MAP2: variants seen among roughly 807,000 people sequenced by gnomAD.
MAP2 encodes the protein microtubule associated protein 2, also known as microtubule-associated protein 2.
MAP2 carries 14 observed loss-of-function variants against 137.6 expected under a neutral mutation model. The ratio of observed to expected loss-of-function variants is 0.10; its 90% CI spans 0.07 to 0.16. The LOEUF (loss-of-function observed/expected upper bound fraction) is 0.16. MAP2 is among the 10% of genes least tolerant of loss of function. MAP2 has a pLI of 1.00. For synonymous variants in MAP2, 786 were observed against 782.3 expected, an observed-to-expected ratio of 1.00 and a Z score of -0.08; for missense variants, 2,088 against 2,191.5, an observed-to-expected ratio of 0.95 and a Z score of 0.94.
intron 1 of MAP2, among the ~76,000 whole-genome samples, chr2:209,496,097 T>G (rs1020904127): frequency 6.6e-6 from 1 of 152,186 alleles, no homozygotes; most frequent in African/African-American, 2.4e-5. Flanking sequence ...TCGCTTCCTA[T>G]GATGTTTTGT....
chr2:209,494,001 C>G (rs566265924), intron 1 of MAP2, among the ~76,000 whole-genome samples: 4 of 152,144 alleles, frequency 2.6e-5, no homozygotes, highest in Non-Finnish European at 4.4e-5. Flanking sequence ...TATTGCAGCA[C>G]TCTTCACAAT....
chr2:209,693,792 T>TTGA lies in MAP2; in HGVS notation c.1626_1628dup (p.Asp543dup). On this transcript the variant is annotated inframe_insertion, in exon 8 of 16. Coordinates refer to ENST00000682079, the MANE Select transcript of MAP2 (RefSeq NM_001375505.1). ...ATTCAGGAACTTTTTGAAATGAGAG[T>TTGA]TGATGACAAAGATAAGATTGAAGGA... 2 of 1,613,954 alleles carry TTGA rather than the reference T, an allele frequency of 1.2e-6. No individual in the cohort carries two copies. The highest frequency in any genetic ancestry group is 1.7e-6 in the Non-Finnish European group (2 of 1,179,950).
intron 7 of MAP2, 23 bp from the exon 8 acceptor site, chr2:209,692,601 TA>T: frequency 6.5e-7 from 1 of 1,530,424 alleles, no homozygotes; most frequent in Non-Finnish European, 8.7e-7. Context: ...ATTATTTGTT[TA>T]AAAATCAACC....
At chr2:209,674,428 T>C (rs1179524308) in intron 5 of MAP2, among the ~76,000 whole-genome samples, 1 of 151,816 alleles carries the variant, frequency 6.6e-6, no homozygotes, top group African/African-American at 2.4e-5. Context: ...CTGAGACAGA[T>C]ACTAAAATTA....
At chr2:209,616,605 A>G (rs1321176846) in intron 3 of MAP2, among the ~76,000 whole-genome samples, 3 of 152,286 alleles carry the variant, frequency 2.0e-5, no homozygotes, top group African/African-American at 2.4e-5. Flanking sequence ...CATTTTTTGC[A>G]ATACGTCTCT....
chr2:209,664,240 A>G (rs911326777), intron 5 of MAP2, among the ~76,000 whole-genome samples: 1 of 152,224 alleles, frequency 6.6e-6, no homozygotes, highest in Admixed American at 6.5e-5. Context: ...GCTAATACAT[A>G]TTTTTTGAAT....
chr2:209,512,573 A>ACG (rs1016634950), intron 2 of MAP2, among the ~76,000 whole-genome samples: 5 of 123,340 alleles, frequency 4.1e-5, no homozygotes, highest in African/African-American at 1.3e-4. Context: ...ACACACACAC[A>ACG]CACACACACA....
chr2:209,710,506 T>G, intron 13 of MAP2: 1 of 439,380 alleles, frequency 2.3e-6, no homozygotes, highest in Admixed American at 4.0e-5. Flanking sequence ...TGACTAACTT[T>G]TTTTTTTTCT....
chr2:209,615,520 A>T (rs1235403730), intron 3 of MAP2, among the ~76,000 whole-genome samples: 1 of 152,182 alleles, frequency 6.6e-6, no homozygotes, highest in Non-Finnish European at 1.5e-5. Context: ...TTAAAGACTG[A>T]TATTGACACT....
At chr2:209,473,161 G>C in intron 1 of MAP2, among the ~76,000 whole-genome samples, 1 of 152,092 alleles carries the variant, frequency 6.6e-6, no homozygotes, top group South Asian at 2.1e-4. Context: ...TTTTGGTCTG[G>C]TCTGTCTCAA....
intron 1 of MAP2, among the ~76,000 whole-genome samples, chr2:209,439,045 A>C (rs1397417839): frequency 6.6e-6 from 1 of 151,556 alleles, no homozygotes; most frequent in African/African-American, 2.4e-5. Context: ...AAAAATTTTT[A>C]AGTTAGACAT....
At chr2:209,538,627 A>G (rs1169045420) in intron 2 of MAP2, among the ~76,000 whole-genome samples, 1 of 151,974 alleles carries the variant, frequency 6.6e-6, no homozygotes, top group African/African-American at 2.4e-5. Context: ...CACATTGGAA[A>G]AGATGAAGGC....
Position 209,505,926 on chromosome 2 carries a change from C to G in MAP2, c.-221-1666C>G, listed in dbSNP as rs2060991703. 2.6e-5 allele frequency among the ~76,000 whole-genome samples: 4 copies of G among 151,882 alleles called. No individual in the cohort carries two copies. The South Asian group carries it at 8.3e-4, about 32-fold the overall frequency. On this transcript the variant is annotated intron_variant, in intron 1 of 15. Coordinates refer to ENST00000682079, the MANE Select transcript of MAP2 (RefSeq NM_001375505.1). Reference sequence around the variant, plus strand: ...GGTTGAGGCTGTAGTGAGCCATGATCACACCCCTGCACTCCCGACTAGGTG... The same window carrying G: ...GGTTGAGGCTGTAGTGAGCCATGATGACACCCCTGCACTCCCGACTAGGTG...
intron 2 of MAP2, among the ~76,000 whole-genome samples, chr2:209,535,682 C>T (rs2065853798): frequency 1.3e-5 from 2 of 151,838 alleles, no homozygotes; most frequent in African/African-American, 4.8e-5. Flanking sequence ...TTTTAGACTC[C>T]ATTAATAAAT....
chr2:209,654,312 A>T (rs2094997339), intron 5 of MAP2, among the ~76,000 whole-genome samples: 1 of 152,234 alleles, frequency 6.6e-6, no homozygotes, highest in Non-Finnish European at 1.5e-5. Context: ...AGTTGTTCTG[A>T]TAAAAGCAAG....
intron 4 of MAP2, among the ~76,000 whole-genome samples, chr2:209,650,141 G>A (rs2094686730): frequency 6.6e-6 from 1 of 152,168 alleles, no homozygotes; most frequent in African/African-American, 2.4e-5. Flanking sequence ...ATGTAACTGA[G>A]AGTTGTGGGT....
chr2:209,528,122 T>C (rs288058), intron 2 of MAP2, among the ~76,000 whole-genome samples: 3,386 of 101,970 alleles, frequency 0.033, 141 homozygotes, highest in African/African-American at 0.12. Context: ...CCCCAGAAAA[T>C]ATGCAAATTC....
At chr2:209,491,988 A>G (rs952433666) in intron 1 of MAP2, among the ~76,000 whole-genome samples, 2 of 152,224 alleles carry the variant, frequency 1.3e-5, no homozygotes, top group African/African-American at 4.8e-5. Flanking sequence ...CAGAGACACA[A>G]CTAAACAAGA....
intron 13 of MAP2, among the ~76,000 whole-genome samples, chr2:209,718,447 A>C (rs2068680472): frequency 6.6e-6 from 1 of 152,142 alleles, no homozygotes; most frequent in South Asian, 2.1e-4. Context: ...TTAGCTGTTC[A>C]TTTTCATGAA....
Sources: allele counts gnomAD v4.1 joint callset (sites outside exome capture counted in the v4.1 genomes callset), GRCh38; gene constraint gnomAD v4.1.1; transcripts MANE v1.5; gene names NCBI Gene and HGNC (gene_info 2026-07-23, HGNC 2026-07-21).